Variants in SLC12A8 observed in about 807,000 individuals in gnomAD.
The protein encoded by SLC12A8 is solute carrier family 12 member 8, also known as cation-chloride cotransporter 9.
Under a neutral mutation model 75.6 loss-of-function variants are expected in SLC12A8, and 69 were observed. The ratio of observed to expected loss-of-function variants is 0.91; its 90% CI spans 0.75 to 1.11. The LOEUF is 1.11. SLC12A8 is among the 50% of genes most tolerant of loss of function. The pLI, the probability that SLC12A8 is intolerant of heterozygous loss-of-function variation, is 0.00. For missense variants in SLC12A8, 877 were observed against 896.7 expected (o/e 0.98, Z 0.28); for synonymous variants, 365 against 372.8 (o/e 0.98, Z 0.24).
chr3:125,118,846 A>G lies in SLC12A8; in HGVS notation c.835T>C (p.Tyr279His). ...LAAVGISWFL[Y>H]IIFVFLLGAI... is the part of the protein sequence containing the mutation. ...CCCAGGAGGAAGACGAAGATGATGTACAGAAACCACCTGCAAAACCCAAGA... is the reference window on the plus strand; with the variant it reads ...CCCAGGAGGAAGACGAAGATGATGTGCAGAAACCACCTGCAAAACCCAAGA... Residue 279 changes from tyrosine to histidine, a missense_variant, in exon 8 of 14, where the codon TAC becomes CAC. Coordinates refer to ENST00000469902, the MANE Select transcript of SLC12A8 (RefSeq NM_024628.6). 1 of 1,612,904 alleles carries G rather than the reference A, an allele frequency of 6.2e-7. No individual in the cohort carries two copies. Among genetic ancestry groups the G allele is most frequent in the Non-Finnish European group, 8.5e-7 (1 of 1,179,088 alleles).
At chr3:125,097,639 G>A (rs1490284321) in intron 10 of SLC12A8, among the ~76,000 whole-genome samples, 1 of 151,256 alleles carries the variant, frequency 6.6e-6, no homozygotes, top group Non-Finnish European at 1.5e-5. Flanking sequence ...CCACAATGCT[G>A]TTTTATATAT....
chr3:125,085,685 T>G (rs4679324), intron 13 of SLC12A8, among the ~76,000 whole-genome samples: 31,680 of 152,072 alleles, frequency 0.21, 3,654 homozygotes, highest in East Asian at 0.34. Flanking sequence ...CAAGCAATTC[T>G]CATGCCTCAG....
At chr3:125,105,639 G>A (rs1200163176) in intron 10 of SLC12A8, among the ~76,000 whole-genome samples, 1 of 152,184 alleles carries the variant, frequency 6.6e-6, no homozygotes, top group Non-Finnish European at 1.5e-5. Context: ...TATTTACTTA[G>A]TCATGATAAC....
intron 5 of SLC12A8, among the ~76,000 whole-genome samples, chr3:125,136,461 C>A (rs559194566): frequency 2.6e-5 from 4 of 152,346 alleles, no homozygotes; most frequent in Admixed American, 6.5e-5. Flanking sequence ...TTCCTCCCCC[C>A]TCACTGCTGT....
intron 5 of SLC12A8, among the ~76,000 whole-genome samples, chr3:125,161,778 C>T (rs1319431530): frequency 6.6e-6 from 1 of 152,208 alleles, no homozygotes; most frequent in Non-Finnish European, 1.5e-5. Context: ...GCTATCCCTG[C>T]TGACCTGCTG....
Position 125,127,383 on chromosome 3 carries a change from C to T in SLC12A8, c.737-6697G>A, listed in dbSNP as rs181078656. Reference sequence around the variant, plus strand: ...GATTTATTGGCTTCTGGATGAGGGGCGGCACCAACATTATGTGTTCTCTCT... The same window carrying T: ...GATTTATTGGCTTCTGGATGAGGGGTGGCACCAACATTATGTGTTCTCTCT... On this transcript the variant is annotated intron_variant, in intron 6 of 13. Coordinates refer to ENST00000469902, the MANE Select transcript of SLC12A8 (RefSeq NM_024628.6). Among the ~76,000 whole-genome samples the T allele has an allele frequency of 3.3e-3, 502 of 152,290 alleles. 2 individuals carry two copies. The highest frequency in any genetic ancestry group is 0.011 in the African/African-American group (471 of 41,558).
chr3:125,147,358 G>A (rs1165178283), intron 5 of SLC12A8, among the ~76,000 whole-genome samples: 1 of 152,206 alleles, frequency 6.6e-6, no homozygotes, highest in Non-Finnish European at 1.5e-5. Context: ...GCTTCCCTTT[G>A]TGGGGCTGGC....
rs868602310 is a variant in SLC12A8, at chr3:125,159,725, G to A, written c.622+18018C>T. Among the ~76,000 whole-genome samples, 34 of 152,286 alleles carry A rather than the reference G, an allele frequency of 2.2e-4. 1 individual carries two copies. Among genetic ancestry groups the A allele is most frequent in the Middle Eastern group, 3.4e-3 (1 of 294 alleles). ...TTTGACCCACTCCTGAGACCTAGAGGTAGGCAATGAGGAGCTTAGAGGAAA... is the reference window on the plus strand; with the variant it reads ...TTTGACCCACTCCTGAGACCTAGAGATAGGCAATGAGGAGCTTAGAGGAAA... On this transcript the variant is annotated intron_variant, in intron 5 of 13. Transcript: ENST00000469902.
intron 5 of SLC12A8, among the ~76,000 whole-genome samples, chr3:125,163,123 A>T (rs983385600): frequency 3.3e-5 from 5 of 151,504 alleles, no homozygotes; most frequent in Non-Finnish European, 5.9e-5. Context: ...GGGCAACATG[A>T]TGAAACCCTG....
chr3:125,090,405 G>A (rs1227627124), intron 12 of SLC12A8, among the ~76,000 whole-genome samples: 2 of 152,128 alleles, frequency 1.3e-5, no homozygotes, highest in African/African-American at 4.8e-5. Context: ...CTGTTTTGGG[G>A]TAGAATGTTC....
chr3:125,178,194 G>A (rs1238079573), intron 4 of SLC12A8, among the ~76,000 whole-genome samples: 1 of 152,142 alleles, frequency 6.6e-6, no homozygotes, highest in East Asian at 1.9e-4. Context: ...AAGAATGAAG[G>A]AGGAACCCAA....
chr3:125,084,586 T>C (rs1411512067), intron 13 of SLC12A8, among the ~76,000 whole-genome samples: 2 of 152,230 alleles, frequency 1.3e-5, no homozygotes, highest in Admixed American at 6.5e-5. Context: ...AAGTCCCATA[T>C]GGATCCCACT....
chr3:125,143,307 G>A (rs888778881), intron 5 of SLC12A8, among the ~76,000 whole-genome samples: 3 of 152,224 alleles, frequency 2.0e-5, no homozygotes, highest in Admixed American at 6.5e-5. Flanking sequence ...GCTGTATTGC[G>A]TTGGACTGTT....
At chr3:125,112,931 A>C (rs1262706062) in intron 8 of SLC12A8, among the ~76,000 whole-genome samples, 1 of 152,240 alleles carries the variant, frequency 6.6e-6, no homozygotes, top group Non-Finnish European at 1.5e-5. Flanking sequence ...GGCACAACAC[A>C]TTGTAGCCAC....
At chr3:125,146,697 G>A (rs981402447) in intron 5 of SLC12A8, among the ~76,000 whole-genome samples, 9 of 152,208 alleles carry the variant, frequency 5.9e-5, no homozygotes, top group African/African-American at 1.7e-4. Context: ...GGAGTGCAGC[G>A]GCATGATCAC....
intron 5 of SLC12A8, among the ~76,000 whole-genome samples, chr3:125,149,265 AG>A (rs2107770155): frequency 6.6e-6 from 1 of 152,348 alleles, no homozygotes; most frequent in South Asian, 2.1e-4. Flanking sequence ...CGGCCTCTTC[AG>A]CCCATGGCTC....
chr3:125,136,257 C>T (rs1432064158), intron 5 of SLC12A8, among the ~76,000 whole-genome samples: 2 of 152,158 alleles, frequency 1.3e-5, no homozygotes, highest in African/African-American at 4.8e-5. Flanking sequence ...CTACTCATCC[C>T]TTGCTTTTTC....
chr3:125,093,444 T>C (rs993597348), intron 10 of SLC12A8, among the ~76,000 whole-genome samples: 3 of 152,136 alleles, frequency 2.0e-5, no homozygotes, highest in Non-Finnish European at 2.9e-5. Context: ...TTCTTCCCCA[T>C]GTCAACCACT....
At chr3:125,092,048 G>T in intron 11 of SLC12A8, 53 bp downstream of exon 11, 1 of 1,289,816 alleles carries the variant, frequency 7.8e-7, no homozygotes, top group Non-Finnish European at 1.1e-6. Context: ...TCACACATGT[G>T]TCCACCTGAA....
Sources: gnomAD v4.1 joint callset for allele counts (sites outside exome capture counted in the v4.1 genomes callset) on GRCh38, gnomAD v4.1.1 for gene constraint, MANE v1.5 for transcripts, NCBI Gene and HGNC (gene_info 2026-07-23, HGNC 2026-07-21) for gene names.